TAFA4: variants seen among roughly 807,000 people sequenced by gnomAD.
The protein encoded by TAFA4 is chemokine-like protein TAFA-4.
TAFA4 carries 20 observed loss-of-function variants against 21.1 expected under a neutral mutation model. That is an observed-to-expected ratio of 0.95 (90% CI 0.67 to 1.38). TAFA4 has a LOEUF of 1.38. Ranked by LOEUF, TAFA4 falls within the 40% of genes most tolerant of loss-of-function variation. The pLI is 0.00. For missense variants in TAFA4, 211 were observed against 180.9 expected, an observed-to-expected ratio of 1.17 and a Z score of -0.95; for synonymous variants, 71 against 67.4, an observed-to-expected ratio of 1.05 and a Z score of -0.26.
At chr3:68,927,872 T>G (rs982678401) in intron 1 of TAFA4, among the ~76,000 whole-genome samples, 10 of 150,576 alleles carry the variant, frequency 6.6e-5, no homozygotes, top group Non-Finnish European at 1.5e-4. Flanking sequence ...CACTCCAGCC[T>G]GGGTAACAGA....
intron 3 of TAFA4, among the ~76,000 whole-genome samples, chr3:68,816,818 G>A (rs577136290): frequency 1.1e-5 from 1 of 94,876 alleles, no homozygotes; most frequent in South Asian, 3.4e-4. Context: ...TTCTACTGTA[G>A]TCTATTCAAT....
At chr3:68,854,665 T>A (rs1320473208) in intron 3 of TAFA4, among the ~76,000 whole-genome samples, 2 of 122,838 alleles carry the variant, frequency 1.6e-5, no homozygotes, top group African/African-American at 5.4e-5. Flanking sequence ...TTTTTGTTAT[T>A]TTTTTTTTTT....
chr3:68,900,290 AATAATAATAATAATAATAATAAAG>A (rs1345787137), intron 1 of TAFA4, among the ~76,000 whole-genome samples: 1 of 117,304 alleles, frequency 8.5e-6, no homozygotes, highest in Non-Finnish European at 1.8e-5. Context: ...TAACAATAAT[AATAATAATAATAATAATAATAAAG>A]CTGCCTGGAA....
intron 3 of TAFA4, among the ~76,000 whole-genome samples, chr3:68,816,930 G>A (rs1460446979): frequency 6.6e-6 from 1 of 152,158 alleles, no homozygotes; most frequent in Non-Finnish European, 1.5e-5. Flanking sequence ...GCTGGTGGAA[G>A]GTCTTGCCTT....
intron 2 of TAFA4, chr3:68,882,989 A>T (rs2089634330): frequency 6.6e-6 from 1 of 152,222 alleles, no homozygotes; most frequent in Non-Finnish European, 1.5e-5. Context: ...ACTACCCTCA[A>T]CCCACCTGAT....
chr3:68,848,886 G>T (rs11709293), intron 3 of TAFA4, among the ~76,000 whole-genome samples: 1 of 151,520 alleles, frequency 6.6e-6, no homozygotes, highest in Non-Finnish European at 1.5e-5. Flanking sequence ...TCACCCAACA[G>T]AAATAAACTT....
chr3:68,771,757 A>C (rs567588566), intron 3 of TAFA4, among the ~76,000 whole-genome samples: 1 of 152,352 alleles, frequency 6.6e-6, no homozygotes, highest in East Asian at 1.9e-4. Context: ...CCTTTCTAGA[A>C]TATTCTAACA....
In TAFA4 at chr3:68,862,094, C is replaced by G. The variant is rs78812122; in HGVS notation, c.130+18636G>C. Among the ~76,000 whole-genome samples the G allele has an allele frequency of 3.4e-3, 516 of 152,042 alleles. 2 individuals are homozygous for G. The highest frequency in any genetic ancestry group is 0.011 in the African/African-American group (470 of 41,482). On this transcript the variant is annotated intron_variant, in intron 3 of 5. Coordinates refer to ENST00000295569, the MANE Select transcript of TAFA4 (RefSeq NM_182522.5). The stretch of plus-strand genomic sequence containing the variant: ...TATGACAGGACAGCTTCCCAAGTGA[C>G]CACCACACGCTTTCCCTGTGGGGAA...
chr3:68,769,220 G>A (rs1399409002), intron 3 of TAFA4, among the ~76,000 whole-genome samples: 1 of 152,140 alleles, frequency 6.6e-6, no homozygotes, highest in Non-Finnish European at 1.5e-5. Flanking sequence ...CGCTCCTTAT[G>A]AGAATCTAAT....
At chr3:68,902,538 T>C (rs1197004864) in intron 1 of TAFA4, among the ~76,000 whole-genome samples, 3 of 152,096 alleles carry the variant, frequency 2.0e-5, no homozygotes, top group Non-Finnish European at 2.9e-5. Flanking sequence ...TGAAAAACTT[T>C]TGCATTTTTT....
chr3:68,770,480 A>G (rs190646250), intron 3 of TAFA4, among the ~76,000 whole-genome samples: 4 of 152,368 alleles, frequency 2.6e-5, no homozygotes, highest in East Asian at 1.9e-4. Context: ...TAAAAATAAA[A>G]GCAATTATAA....
At chr3:68,782,007 C>T (rs1257245767) in intron 3 of TAFA4, among the ~76,000 whole-genome samples, 4 of 152,138 alleles carry the variant, frequency 2.6e-5, no homozygotes, top group South Asian at 4.1e-4. Context: ...GTAAACTGAA[C>T]TTCATCAAAA....
chr3:68,834,519 T>TCC (rs2106883804), intron 3 of TAFA4, among the ~76,000 whole-genome samples: 1 of 151,484 alleles, frequency 6.6e-6, no homozygotes, highest in East Asian at 1.9e-4. Context: ...TTCTGTATCC[T>TCC]CCTACTTGAT....
chr3:68,810,677 G>A (rs1389231538), intron 3 of TAFA4, among the ~76,000 whole-genome samples: 4 of 152,194 alleles, frequency 2.6e-5, no homozygotes, highest in South Asian at 2.1e-4. Flanking sequence ...CAGCCAGGAA[G>A]CTCGAACTGG....
chr3:68,739,201 T>C lies in TAFA4; in HGVS notation c.287-2A>G. The C allele has an allele frequency of 6.2e-7, 1 of 1,613,150 alleles. No individual in the cohort carries two copies. Among genetic ancestry groups the C allele is most frequent in the Non-Finnish European group, 8.5e-7 (1 of 1,179,656 alleles). ...ACCATTTCTGAATCACAATGGAAGC[T>C]GGAAAACAAAGGCCAAATAATATTT... On this transcript the variant is annotated splice_acceptor_variant, in intron 4 of 5. Transcript: ENST00000295569. LOFTEE classifies it high-confidence loss of function.
chr3:68,853,763 C>T (rs914044605), intron 3 of TAFA4, among the ~76,000 whole-genome samples: 1 of 152,164 alleles, frequency 6.6e-6, no homozygotes, highest in Non-Finnish European at 1.5e-5. Context: ...AAGTTGGAGG[C>T]ATTCTGGATC....
chr3:68,816,236 A>C (rs1703971884), intron 3 of TAFA4, among the ~76,000 whole-genome samples: 2 of 152,202 alleles, frequency 1.3e-5, no homozygotes, highest in Admixed American at 1.3e-4. Flanking sequence ...TAATGGGTGC[A>C]GCACACCAAC....
At chr3:68,760,842 T>C (rs916220688) in intron 3 of TAFA4, among the ~76,000 whole-genome samples, 28 of 152,212 alleles carry the variant, frequency 1.8e-4, no homozygotes, top group African/African-American at 6.5e-4. Flanking sequence ...TAGAAGACGA[T>C]AGTAGCCATT....
At position 68,880,741 on chromosome 3, in the gene TAFA4, C is replaced by G; in HGVS notation, c.119G>C (p.Arg40Pro). The G allele has an allele frequency of 6.2e-7, 1 of 1,613,932 alleles. No homozygotes were observed. Among genetic ancestry groups the G allele is most frequent in the Non-Finnish European group, 8.5e-7 (1 of 1,179,926 alleles). Residue 40 changes from arginine to proline, a missense_variant, in exon 3 of 6, where the codon CGG (arginine) becomes CCG (proline). Arg to Pro is a moderately radical substitution (Grantham distance 103). Coordinates refer to ENST00000295569, the MANE Select transcript of TAFA4 (RefSeq NM_182522.5). ...KLMSASSQHL[R>P]GHAGHHQIKQ... ...CTTAAAGGGCTTACCTGCATGTCCC[C>G]GGAGGTGCTGGCTTGAGGCGGACAT...
Sources: allele counts gnomAD v4.1 joint callset (sites outside exome capture counted in the v4.1 genomes callset), GRCh38; gene constraint gnomAD v4.1.1; transcripts MANE v1.5; gene names NCBI Gene and HGNC (gene_info 2026-07-23, HGNC 2026-07-21).